The following MDFIC variants were observed in gnomAD, a reference collection of about 807,000 sequenced individuals.
MDFIC encodes MyoD family inhibitor domain containing, also known as myoD family inhibitor domain-containing protein.
A neutral mutation model predicts 23.2 loss-of-function variants in MDFIC; 17 were observed. That is an observed-to-expected ratio of 0.73 (90% CI 0.50 to 1.10). The LOEUF is 1.10. Ranked by LOEUF, MDFIC falls within the 50% of genes least tolerant of loss-of-function variation. MDFIC has a pLI of 0.00. For synonymous variants in MDFIC, 120 were observed against 115.2 expected, an observed-to-expected ratio of 1.04 and a Z score of -0.27; for missense variants, 356 against 316.6, an observed-to-expected ratio of 1.12 and a Z score of -0.95.
rs751154244 is a variant in MDFIC at position 114,942,259 on chromosome 7, A to G, written c.95-16A>G. 1 of 1,386,058 alleles carries G rather than the reference A, an allele frequency of 7.2e-7. No individual in the cohort carries two copies. The highest frequency in any genetic ancestry group is 9.8e-7 in the Non-Finnish European group (1 of 1,021,392). The allele number at this position is 1,386,058 out of a possible 1,614,324, so 85.9% of individuals were successfully genotyped here. On this transcript the variant is annotated splice_polypyrimidine_tract_variant and intron_variant, in intron 2 of 4. Coordinates refer to ENST00000393486, the MANE Select transcript of MDFIC (RefSeq NM_001166345.3). ...ATATAAAATCAATTATATTAAATGT[A>G]TCTTTTTTAATTCAGGAAAATGTGA...
chr7:114,975,463 A>C (rs2115938636), intron 3 of MDFIC, among the ~76,000 whole-genome samples: 1 of 152,054 alleles, frequency 6.6e-6, no homozygotes, highest in East Asian at 1.9e-4. Flanking sequence ...AAAAAGAAAG[A>C]CAGCTGAATG....
At chr7:114,985,482 CTG>C (rs374143579) in intron 4 of MDFIC, among the ~76,000 whole-genome samples, 4 of 151,494 alleles carry the variant, frequency 2.6e-5, no homozygotes, top group Admixed American at 1.3e-4. Flanking sequence ...CTCTCTCTCT[CTG>C]TGTGTGTGTG....
intron 3 of MDFIC, among the ~76,000 whole-genome samples, chr7:114,955,980 C>T (rs769322047): frequency 6.6e-6 from 1 of 152,114 alleles, no homozygotes; most frequent in Non-Finnish European, 1.5e-5. Context: ...GGCCATGCAG[C>T]TAATATCTTG....
In MDFIC at chr7:114,973,053, T is replaced by C. The variant is rs140157972; in HGVS notation, c.218-6453T>C. ...CATTTCCTTCTTGTGAAATTTGGCA[T>C]ATTTTAAGTCATTTGGGCTAAAGGC... On this transcript the variant is annotated intron_variant, in intron 3 of 4. Coordinates refer to ENST00000393486, the MANE Select transcript of MDFIC (RefSeq NM_001166345.3). Among the ~76,000 whole-genome samples the C allele has an allele frequency of 2.5e-3, 373 of 151,764 alleles. 5 individuals are homozygous for C. The highest frequency in any genetic ancestry group is 8.7e-3 in the African/African-American group (359 of 41,388).
chr7:114,945,623 G>T (rs1028096136), intron 3 of MDFIC, among the ~76,000 whole-genome samples: 2 of 152,060 alleles, frequency 1.3e-5, no homozygotes, highest in Middle Eastern at 3.2e-3. Flanking sequence ...AACTCATATG[G>T]AATCAAACAT....
At chr7:114,975,825 A>G (rs2115940203) in intron 3 of MDFIC, among the ~76,000 whole-genome samples, 1 of 152,222 alleles carries the variant, frequency 6.6e-6, no homozygotes, top group Admixed American at 6.6e-5. Context: ...CTTACGTAAT[A>G]CACACATCTG....
intron 4 of MDFIC, among the ~76,000 whole-genome samples, chr7:114,983,084 C>T (rs537589461): frequency 2.0e-5 from 3 of 152,290 alleles, no homozygotes; most frequent in Admixed American, 6.5e-5. Flanking sequence ...AACCATAGTA[C>T]AAGGCTTTTC....
chr7:114,944,742 T>C (rs948258392), intron 3 of MDFIC, among the ~76,000 whole-genome samples: 1 of 152,172 alleles, frequency 6.6e-6, no homozygotes, highest in African/African-American at 2.4e-5. Context: ...TCGCACATTT[T>C]GGGGGCCCAG....
chr7:114,959,873 G>A (rs1432799938), intron 3 of MDFIC, among the ~76,000 whole-genome samples: 2 of 150,586 alleles, frequency 1.3e-5, no homozygotes. Flanking sequence ...GAGGAAAAGT[G>A]AAAATAAAAG....
chr7:115,008,482 A>T (rs775478745), intron 4 of MDFIC, among the ~76,000 whole-genome samples: 3 of 152,136 alleles, frequency 2.0e-5, no homozygotes, highest in Non-Finnish European at 4.4e-5. Context: ...TGTTGACTGG[A>T]TTCTGGCTAA....
intron 4 of MDFIC, among the ~76,000 whole-genome samples, chr7:115,003,395 A>G (rs1791502028): frequency 6.6e-6 from 1 of 152,098 alleles, no homozygotes; most frequent in Admixed American, 6.6e-5. Flanking sequence ...CAAGGCTCAC[A>G]CTCAACATAT....
At chr7:114,965,571 T>C (rs545290780) in intron 3 of MDFIC, among the ~76,000 whole-genome samples, 2 of 152,168 alleles carry the variant, frequency 1.3e-5, no homozygotes, top group South Asian at 2.1e-4. Context: ...TGGAACACAG[T>C]TGACATTTGA....
At chr7:114,983,275 A>G (rs1045688258) in intron 4 of MDFIC, among the ~76,000 whole-genome samples, 2 of 152,184 alleles carry the variant, frequency 1.3e-5, no homozygotes, top group Non-Finnish European at 2.9e-5. Context: ...TGTGGTTGTG[A>G]TTTTTGTGCC....
chr7:114,933,324 T>A (rs1486773386), intron 2 of MDFIC, among the ~76,000 whole-genome samples: 3 of 150,856 alleles, frequency 2.0e-5, no homozygotes, highest in African/African-American at 4.9e-5. Context: ...AATGGCGTGA[T>A]CTCGGCTCAC....
At position 114,942,292 on chromosome 7, in the gene MDFIC, A is replaced by T. The variant is rs188705710; in HGVS notation, c.112A>T (p.Asn38Tyr). ...TAATTCAGGAAAATGTGATAAAGACAATACTGAGAAAGATATAACTCAAGC... is the reference window on the plus strand; with the variant it reads ...TAATTCAGGAAAATGTGATAAAGACTATACTGAGAAAGATATAACTCAAGC... ...STAQGKCDKDNTEKDITQATN... is the reference protein window; with the variant it reads ...STAQGKCDKDYTEKDITQATN... The change falls in exon 3 of 5, where the codon AAT becomes TAT. Residue 38 changes from asparagine to tyrosine, a missense_variant. Physicochemically the swap from Asn to Tyr is moderately radical, Grantham distance 143. Transcript: ENST00000393486. 2.4e-5 allele frequency: 37 copies of T among 1,545,856 alleles called. No individual in the cohort carries two copies. The Admixed American group carries it at 6.3e-4, about 26-fold the overall frequency.
rs908230196 is a variant in MDFIC at position 114,964,827 on chromosome 7, G to C, written c.218-14679G>C. Among the ~76,000 whole-genome samples the C allele has an allele frequency of 2.0e-5, 3 of 152,270 alleles. No individual in the cohort carries two copies. In the East Asian group the frequency reaches 5.8e-4, roughly 29 times the overall value. On this transcript the variant is annotated intron_variant, in intron 3 of 4. Coordinates refer to ENST00000393486, the MANE Select transcript of MDFIC (RefSeq NM_001166345.3). ...GCCTCCCAAAGTGCTGGGATTACAGGCGTTAGCCACCATGCCGGGCCCCTT... is the reference window on the plus strand; with the variant it reads ...GCCTCCCAAAGTGCTGGGATTACAGCCGTTAGCCACCATGCCGGGCCCCTT...
chr7:114,953,757 T>C (rs1397581915), intron 3 of MDFIC, among the ~76,000 whole-genome samples: 1 of 152,218 alleles, frequency 6.6e-6, no homozygotes, highest in African/African-American at 2.4e-5. Context: ...TAAAATGGCA[T>C]GGTATTTGCA....
At chr7:115,005,374 C>G (rs756297644) in intron 4 of MDFIC, among the ~76,000 whole-genome samples, 13 of 152,196 alleles carry the variant, frequency 8.5e-5, no homozygotes, top group Non-Finnish European at 1.8e-4. Context: ...TGTTGTGTCC[C>G]TGTTGCTAAT....
intron 4 of MDFIC, among the ~76,000 whole-genome samples, chr7:115,007,123 G>A (rs962786978): frequency 6.6e-6 from 1 of 152,148 alleles, no homozygotes; most frequent in African/African-American, 2.4e-5. Context: ...AAGTGTTTGA[G>A]CTGTGGTCAG....
Sources: gnomAD v4.1 joint callset for allele counts (sites outside exome capture counted in the v4.1 genomes callset) on GRCh38, gnomAD v4.1.1 for gene constraint, MANE v1.5 for transcripts, NCBI Gene and HGNC (gene_info 2026-07-23, HGNC 2026-07-21) for gene names.